The following NRG1 variants were observed in gnomAD, a reference collection of about 807,000 sequenced individuals.
The protein encoded by NRG1 is pro-neuregulin-1, membrane-bound isoform.
Under a neutral mutation model 63.8 loss-of-function variants are expected in NRG1, and 18 were observed. That is an observed-to-expected ratio of 0.28 (90% confidence interval 0.19 to 0.42). The LOEUF is 0.42. Among genes scored for constraint, NRG1 ranks in the 10% least tolerant of loss-of-function variants. The probability of loss-of-function intolerance (pLI) is 1.00; values close to 1 mark genes in which losing one functional copy is unlikely to be tolerated. For synonymous variants in NRG1, 302 were observed against 301.3 expected (o/e 1.00, Z -0.02); for missense variants, 762 against 814.7 (o/e 0.94, Z 0.79).
At chr8:32,062,235 T>C (rs1004897118) in intron 1 of NRG1, among the ~76,000 whole-genome samples, 1 of 152,100 alleles carries the variant, frequency 6.6e-6, no homozygotes, top group Non-Finnish European at 1.5e-5. Flanking sequence ...CCCCAACCTT[T>C]CTTCAGAGCA....
chr8:32,116,731 T>C (rs2131509687), intron 1 of NRG1, among the ~76,000 whole-genome samples: 1 of 152,130 alleles, frequency 6.6e-6, no homozygotes, highest in African/African-American at 2.4e-5. Context: ...TGTATTAATA[T>C]GATAGGAGAG....
intron 1 of NRG1, among the ~76,000 whole-genome samples, chr8:32,356,234 G>A (rs1806369261): frequency 6.6e-6 from 1 of 152,178 alleles, no homozygotes; most frequent in Non-Finnish European, 1.5e-5. Flanking sequence ...TGTTAAAAAT[G>A]TTTAAAGTTC....
At chr8:31,789,655 G>GATGGA (rs1340385866) in intron 1 of NRG1, among the ~76,000 whole-genome samples, 3 of 152,134 alleles carry the variant, frequency 2.0e-5, no homozygotes, top group Non-Finnish European at 4.4e-5. Flanking sequence ...GATGGTTGAG[G>GATGGA]ATGGAATTAA....
At chr8:31,917,855 A>G (rs1189094909) in intron 1 of NRG1, among the ~76,000 whole-genome samples, 4 of 152,098 alleles carry the variant, frequency 2.6e-5, no homozygotes, top group Admixed American at 2.6e-4. Flanking sequence ...ATGTTCTTCC[A>G]TTTGTTTGTA....
intron 7 of NRG1, among the ~76,000 whole-genome samples, chr8:32,747,424 G>C (rs545885920): frequency 1.3e-5 from 2 of 152,026 alleles, no homozygotes. Context: ...ATGTTTTCAC[G>C]TGGATGTTCC....
chr8:32,320,843 T>C (rs1158365750), intron 1 of NRG1, among the ~76,000 whole-genome samples: 1 of 152,192 alleles, frequency 6.6e-6, no homozygotes, highest in Non-Finnish European at 1.5e-5. Flanking sequence ...TGGTTTTAAA[T>C]TTCTTGAGTA....
At chr8:31,880,985 G>A (rs1294242046) in intron 1 of NRG1, among the ~76,000 whole-genome samples, 1 of 152,152 alleles carries the variant, frequency 6.6e-6, no homozygotes, top group Non-Finnish European at 1.5e-5. Flanking sequence ...AAGGGATAGA[G>A]TATGAGAAAC....
chr8:32,375,481 A>G (rs966055350), intron 1 of NRG1, among the ~76,000 whole-genome samples: 3 of 152,214 alleles, frequency 2.0e-5, no homozygotes, highest in Non-Finnish European at 2.9e-5. Flanking sequence ...AGATCTCGGG[A>G]AATTCAAATC....
chr8:32,198,429 C>T (rs1327277253), intron 1 of NRG1, among the ~76,000 whole-genome samples: 2 of 152,156 alleles, frequency 1.3e-5, no homozygotes, highest in African/African-American at 2.4e-5. Flanking sequence ...CCACCTGCCT[C>T]GGCCTCCCAA....
intron 1 of NRG1, among the ~76,000 whole-genome samples, chr8:32,553,670 A>G (rs982525716): frequency 1.3e-5 from 2 of 152,200 alleles, no homozygotes. Flanking sequence ...TTTATTGTAT[A>G]GAATACATAA....
rs1051365326 is a variant in NRG1, at chr8:32,312,513, C to A, written c.38-283315C>A. Among the ~76,000 whole-genome samples the A allele has an allele frequency of 2.0e-5, 3 of 151,846 alleles. No individual in the cohort carries two copies. The South Asian group carries it at 6.3e-4, about 32-fold the overall frequency. ...TCAAGGGCTTCAAACAGTCCCTCTG[C>A]AAGTTAACCTAGGCATACTCACAGA... On this transcript the variant is annotated intron_variant, in intron 1 of 10. Transcript: ENST00000519301.
At chr8:32,243,088 A>G (rs913598018) in intron 1 of NRG1, among the ~76,000 whole-genome samples, 5 of 151,638 alleles carry the variant, frequency 3.3e-5, no homozygotes, top group African/African-American at 1.2e-4. Context: ...TTTTTCCTCT[A>G]TGCATGTCTG....
chr8:31,687,290 A>G (rs913947486), intron 1 of NRG1, among the ~76,000 whole-genome samples: 1 of 152,248 alleles, frequency 6.6e-6, no homozygotes, highest in African/African-American at 2.4e-5. Context: ...GAAGAAAGTT[A>G]AGCCACACTT....
chr8:31,934,423 T>C (rs1276749752), intron 1 of NRG1, among the ~76,000 whole-genome samples: 5 of 144,018 alleles, frequency 3.5e-5, no homozygotes, highest in Non-Finnish European at 3.0e-5. Flanking sequence ...TCGCTCTCTT[T>C]TTTTTTTTTT....
At chr8:31,802,630 C>T (rs1382492406) in intron 1 of NRG1, among the ~76,000 whole-genome samples, 1 of 152,168 alleles carries the variant, frequency 6.6e-6, no homozygotes, top group African/African-American at 2.4e-5. Context: ...TGTAAAACCA[C>T]ATCCTACTGG....
intron 1 of NRG1, among the ~76,000 whole-genome samples, chr8:31,903,343 A>T (rs968341579): frequency 3.8e-4 from 58 of 151,110 alleles, no homozygotes; most frequent in African/African-American, 1.4e-3. Context: ...TAGAGACGGG[A>T]TTTCATTGTG....
intron 1 of NRG1, among the ~76,000 whole-genome samples, chr8:32,022,149 T>C (rs1350781979): frequency 6.6e-6 from 1 of 152,210 alleles, no homozygotes; most frequent in East Asian, 1.9e-4. Context: ...ACGACTGTTA[T>C]TTATGGGCTT....
intron 1 of NRG1, among the ~76,000 whole-genome samples, chr8:32,221,577 C>A (rs1845818020): frequency 1.3e-5 from 2 of 152,116 alleles, no homozygotes; most frequent in Admixed American, 1.3e-4. Flanking sequence ...GCTTTGTTGT[C>A]ATATTATCTC....
intron 1 of NRG1, among the ~76,000 whole-genome samples, chr8:32,531,079 C>A (rs980069144): frequency 3.3e-5 from 5 of 151,018 alleles, no homozygotes; most frequent in African/African-American, 1.2e-4. Context: ...GCATGGGTGG[C>A]AGAATGAGAC....
Sources: allele counts gnomAD v4.1 joint callset (sites outside exome capture counted in the v4.1 genomes callset), GRCh38; gene constraint gnomAD v4.1.1; transcripts MANE v1.5; gene names NCBI Gene and HGNC (gene_info 2026-07-23, HGNC 2026-07-21).